Variants in SREBF2 observed in about 807,000 individuals in gnomAD.
The protein encoded by SREBF2 is sterol regulatory element-binding protein 2.
SREBF2 carries 55 observed loss-of-function variants against 113.1 expected under a neutral mutation model. The observed-to-expected ratio is 0.49, with a 90% CI of 0.39 to 0.61. The LOEUF is 0.61. Ranked by LOEUF, SREBF2 falls within the 20% of genes least tolerant of loss-of-function variation. SREBF2 has a pLI of 0.00. For missense variants in SREBF2, 1,349 were observed against 1,487.4 expected, an observed-to-expected ratio of 0.91 and a Z score of 1.53; for synonymous variants, 593 against 605.7, an observed-to-expected ratio of 0.98 and a Z score of 0.31.
intron 16 of SREBF2, among the ~76,000 whole-genome samples, chr22:41,901,647 C>T (rs988654670): frequency 1.3e-5 from 2 of 152,098 alleles, no homozygotes; most frequent in African/African-American, 4.8e-5. Flanking sequence ...GGCAACAGAG[C>T]GAGACTCCAT....
At position 41,880,773 on chromosome 22, in the gene SREBF2, G is replaced by T; in HGVS notation, c.1819G>T (p.Ala607Ser). 1.2e-6 allele frequency: 2 copies of T among 1,614,150 alleles called. No individual in the cohort carries two copies. The highest frequency in any genetic ancestry group is 1.7e-6 in the Non-Finnish European group (2 of 1,180,038). ...LQTCLAVLGR[A>S]LPTSRLDLAC... The stretch of plus-strand genomic sequence containing the variant: ...AACCTGCCTGGCAGTTTTGGGCCGG[G>T]CACTGCCCACCTCCCGCCTGGACCT... Residue 607 changes from alanine (A) to serine (S), a missense_variant, in exon 10 of 19, where the codon GCA (alanine) becomes TCA (serine). Ala to Ser is a moderately conservative substitution (Grantham distance 99). Transcript: ENST00000361204.
chr22:41,861,070 G>A lies in SREBF2; in HGVS notation c.89-5761G>A, dbSNP rs550595573. Among the ~76,000 whole-genome samples, 3 of 152,326 alleles carry A rather than the reference G, an allele frequency of 2.0e-5. No individual in the cohort carries two copies. The South Asian group carries it at 6.2e-4, about 32-fold the overall frequency. On this transcript the variant is annotated intron_variant, in intron 1 of 18. Coordinates refer to ENST00000361204, the MANE Select transcript of SREBF2 (RefSeq NM_004599.4). ...TCATATTTATTAACCAAAGGGAACAGGGTGCAAAGTAGCATGTTCAGTGTG... is the reference window on the plus strand; with the variant it reads ...TCATATTTATTAACCAAAGGGAACAAGGTGCAAAGTAGCATGTTCAGTGTG...
rs893373579 is a variant in SREBF2, at chr22:41,833,481, G to A, written c.88+123G>A. On this transcript the variant is annotated intron_variant, in intron 1 of 18. Transcript: ENST00000361204. This position sits in a 1 kb window ranked among gnomAD's most constrained non-coding sequence, Gnocchi z 4.1. ...GGTTCGCGCGGGAAGAACCCCGTGC[G>A]CACGGTGCCCCCGGCGGTCCTCAAC... 2.5e-6 allele frequency: 2 copies of A among 785,592 alleles called. No individual in the cohort carries two copies. The highest frequency in any genetic ancestry group is 3.2e-5 in the East Asian group (1 of 31,160). The allele number at this position is 785,592 out of a possible 1,614,324, so 48.7% of individuals were successfully genotyped here.
At chr22:41,835,185 A>AG (rs1202200126) in intron 1 of SREBF2, among the ~76,000 whole-genome samples, 1 of 16,086 alleles carries the variant, frequency 6.2e-5, no homozygotes, top group Non-Finnish European at 1.2e-4. Context: ...TTTTTGAGAC[A>AG]GGGTCTCATT....
At chr22:41,864,253 T>TACACAC (rs1231687095) in intron 1 of SREBF2, among the ~76,000 whole-genome samples, 8 of 81,942 alleles carry the variant, frequency 9.8e-5, no homozygotes, top group East Asian at 2.8e-4. Context: ...TATATATATA[T>TACACAC]ATATATATAC....
At chr22:41,881,389 A>G (rs866360670) in intron 10 of SREBF2, among the ~76,000 whole-genome samples, 1 of 152,264 alleles carries the variant, frequency 6.6e-6, no homozygotes, top group Non-Finnish European at 1.5e-5. Context: ...AGAGGTCAAC[A>G]AATGAATGAC....
chr22:41,893,880 A>T (rs2077386804), intron 12 of SREBF2, among the ~76,000 whole-genome samples: 1 of 152,210 alleles, frequency 6.6e-6, no homozygotes, highest in African/African-American at 2.4e-5. Flanking sequence ...TTGAGTGCTC[A>T]GTGGCTGTCT....
At chr22:41,849,713 A>G (rs2076909455) in intron 1 of SREBF2, among the ~76,000 whole-genome samples, 1 of 152,226 alleles carries the variant, frequency 6.6e-6, no homozygotes, top group Non-Finnish European at 1.5e-5. Flanking sequence ...TAATTTAATA[A>G]TTTGGATAGG....
intron 1 of SREBF2, among the ~76,000 whole-genome samples, chr22:41,847,925 T>TG (rs994324816): frequency 4.9e-4 from 74 of 150,022 alleles, no homozygotes; most frequent in African/African-American, 1.8e-3. Flanking sequence ...TTATTATTTT[T>TG]TTTTTTTTGA....
At chr22:41,887,419 G>T (rs867557381) in intron 11 of SREBF2, among the ~76,000 whole-genome samples, 2 of 152,060 alleles carry the variant, frequency 1.3e-5, no homozygotes, top group Non-Finnish European at 1.5e-5. Context: ...CCTTCCAAGG[G>T]TAACCACCAT....
intron 1 of SREBF2, among the ~76,000 whole-genome samples, chr22:41,853,269 A>G (rs1388274497): frequency 6.6e-6 from 1 of 152,184 alleles, no homozygotes. Context: ...CAACTTGCCC[A>G]GTATGGTGCC....
At chr22:41,843,068 C>T (rs534337773) in intron 1 of SREBF2, among the ~76,000 whole-genome samples, 1 of 152,130 alleles carries the variant, frequency 6.6e-6, no homozygotes, top group African/African-American at 2.4e-5. Flanking sequence ...GATGTTTGCA[C>T]AATGAAGCAG....
At chr22:41,877,455 G>T (rs1005714472) in intron 8 of SREBF2, 34 bp downstream of exon 8, 1 of 1,610,316 alleles carries the variant, frequency 6.2e-7, no homozygotes, top group Non-Finnish European at 8.5e-7. Flanking sequence ...CCTGGGCATG[G>T]CTGGACCACT....
At chr22:41,861,297 T>C (rs1355743848) in intron 1 of SREBF2, among the ~76,000 whole-genome samples, 1 of 151,700 alleles carries the variant, frequency 6.6e-6, no homozygotes, top group Non-Finnish European at 1.5e-5. Flanking sequence ...GCCTGTCCAT[T>C]GTGGTGAAAC....
rs1026971815 is a variant in SREBF2, at chr22:41,898,592, C to T, written c.2606-57C>T. 2.4e-5 allele frequency: 38 copies of T among 1,610,264 alleles called. No homozygotes were observed. In the Admixed American group the frequency reaches 4.5e-4, roughly 19 times the overall value. ...GGAAGGAAGTGTAGCAGCCTCTGAG[C>T]GCCACAGGTCTCGTTTCTGTGGGTG... is the stretch of plus-strand genomic sequence containing the variant. On this transcript the variant is annotated intron_variant, in intron 14 of 18. Transcript: ENST00000361204.
At chr22:41,900,854 G>T in intron 16 of SREBF2, 1 of 511,454 alleles carries the variant, frequency 2.0e-6, no homozygotes, top group Non-Finnish European at 3.9e-6. Context: ...GGCAGCCTTG[G>T]AGTGGGTTCC....
At chr22:41,838,446 T>C (rs2076798433) in intron 1 of SREBF2, among the ~76,000 whole-genome samples, 1 of 150,926 alleles carries the variant, frequency 6.6e-6, no homozygotes, top group Admixed American at 6.6e-5. Flanking sequence ...GAAAATTGAA[T>C]TGTGGGCTGG....
intron 17 of SREBF2, among the ~76,000 whole-genome samples, chr22:41,904,199 C>T (rs1479978840): frequency 6.6e-6 from 1 of 152,176 alleles, no homozygotes; most frequent in African/African-American, 2.4e-5. Context: ...TCTTAAATAC[C>T]ATTTCCATTC....
In SREBF2 at chr22:41,873,991, A is replaced by G; in HGVS notation, c.1061A>G (p.Lys354Arg). 6.2e-7 allele frequency: 1 copy of G among 1,614,200 alleles called. No homozygotes were observed. Among genetic ancestry groups the G allele is most frequent in the Non-Finnish European group, 8.5e-7 (1 of 1,180,034 alleles). Residue 354 changes from lysine (K) to arginine (R), a missense_variant, in exon 5 of 19, where the codon AAA becomes AGA. Physicochemically the swap from Lys to Arg is conservative, Grantham distance 26 (BLOSUM62 2). Transcript: ENST00000361204. ...SSINDKIIEL[K>R]DLVMGTDAKM... ...ATCAATGACAAAATCATCGAATTGAAAGACCTGGTCATGGGGACAGACGCC... is the reference window on the plus strand; with the variant it reads ...ATCAATGACAAAATCATCGAATTGAGAGACCTGGTCATGGGGACAGACGCC...
Sources: allele counts gnomAD v4.1 joint callset (sites outside exome capture counted in the v4.1 genomes callset), GRCh38; gene constraint gnomAD v4.1.1; non-coding constraint Gnocchi (gnomAD v3.1); transcripts MANE v1.5; gene names NCBI Gene and HGNC (gene_info 2026-07-23, HGNC 2026-07-21).